ABI3BP: variants seen among roughly 807,000 people sequenced by gnomAD.
ABI3BP encodes the protein target of Nesh-SH3.
Under a neutral mutation model 268.6 loss-of-function variants are expected in ABI3BP, and 216 were observed. The ratio of observed to expected loss-of-function variants is 0.80; its 90% CI spans 0.72 to 0.90. The LOEUF (loss-of-function observed/expected upper bound fraction) is 0.90. Among genes scored for constraint, ABI3BP ranks in the 40% least tolerant of loss-of-function variants. The pLI is 0.00. For synonymous variants in ABI3BP, 730 were observed against 730.0 expected (o/e 1.00, Z 0.00); for missense variants, 2,090 against 2,182.4 (o/e 0.96, Z 0.84).
chr3:100,866,275 C>T (rs941736646), intron 10 of ABI3BP, among the ~76,000 whole-genome samples: 6 of 152,110 alleles, frequency 3.9e-5, no homozygotes, highest in Non-Finnish European at 2.9e-5. Context: ...AAGATTAATG[C>T]CTCCCCCCTG....
In ABI3BP at chr3:100,812,461, T is replaced by C; in HGVS notation, c.3421+6A>G. 1 of 1,294,552 alleles carries C rather than the reference T, an allele frequency of 7.7e-7. No homozygotes were observed. The highest frequency in any genetic ancestry group is 1.5e-5 in the African/African-American group (1 of 65,554). 80.2% of individuals were successfully genotyped at this position (1,294,552 alleles called of 1,614,324 possible). ...TGCTTGACTTCCCATTGGGGAACAT[T>C]TTTACCTATGGTCTCCTTTGGTGAC... On this transcript the variant is annotated splice_donor_region_variant and intron_variant, in intron 46 of 67. Transcript: ENST00000471714.
chr3:100,939,200 T>C (rs1156964938), intron 1 of ABI3BP, among the ~76,000 whole-genome samples: 3 of 152,076 alleles, frequency 2.0e-5, no homozygotes, highest in African/African-American at 7.2e-5. Context: ...TCTGAGTGCT[T>C]ACAGAGAATT....
At chr3:100,981,548 G>A (rs943754273) in intron 1 of ABI3BP, among the ~76,000 whole-genome samples, 1 of 152,220 alleles carries the variant, frequency 6.6e-6, no homozygotes, top group Non-Finnish European at 1.5e-5. Flanking sequence ...ACAGACTGCA[G>A]CAGGCATCCA....
At position 100,941,719 on chromosome 3, in the gene ABI3BP, T is replaced by C. The variant is rs1258082748; in HGVS notation, c.80-15238A>G. 7.9e-5 allele frequency among the ~76,000 whole-genome samples: 12 copies of C among 152,254 alleles called. No homozygotes were observed. The East Asian group carries it at 2.3e-3, about 29-fold the overall frequency. On this transcript the variant is annotated intron_variant, in intron 1 of 67. Coordinates refer to ENST00000471714, the MANE Select transcript of ABI3BP (RefSeq NM_001375547.2). ...CACCAATTGGCAAGGCTAATAGTTTTACCAAAGGAGCAGTAACTACATTAC... is the reference window on the plus strand; with the variant it reads ...CACCAATTGGCAAGGCTAATAGTTTCACCAAAGGAGCAGTAACTACATTAC...
chr3:100,816,597 C>T, intron 43 of ABI3BP, 91 bp downstream of exon 43: 1 of 1,004,164 alleles, frequency 1.0e-6, no homozygotes, highest in South Asian at 1.4e-5. Flanking sequence ...ACTGTTACTT[C>T]CCGTCATAGG....
Position 100,916,239 on chromosome 3 carries a change from G to A in ABI3BP, c.259+10063C>T, listed in dbSNP as rs117067253. On this transcript the variant is annotated intron_variant, in intron 2 of 67. Coordinates refer to ENST00000471714, the MANE Select transcript of ABI3BP (RefSeq NM_001375547.2). ...ATTTTTATTTATCAGGACTTTGTTC[G>A]GATATTTGTCTTTCAAATTATAAAG... is the stretch of plus-strand genomic sequence containing the variant. Among the ~76,000 whole-genome samples, 270 of 152,268 alleles carry A rather than the reference G, an allele frequency of 1.8e-3. 9 individuals carry two copies. The East Asian group carries it at 0.045, about 25-fold the overall frequency.
At chr3:100,978,709 A>G (rs1285041451) in intron 1 of ABI3BP, among the ~76,000 whole-genome samples, 1 of 152,228 alleles carries the variant, frequency 6.6e-6, no homozygotes, top group Non-Finnish European at 1.5e-5. Flanking sequence ...GAAAGCACAA[A>G]TTCTCCAAAT....
At position 100,787,790 on chromosome 3, in the gene ABI3BP, G is replaced by A. The variant is rs1354329177; in HGVS notation, c.4100C>T (p.Thr1367Ile). ...KPHIRPVLNR[T>I]TTRPTRPKPS... ...TTTGGGCCTAGTAGGTCTTGTAGTT[G>A]TCCTATTCAGAACTAAAATAAAGTG... The change falls in exon 57 of 68, where the codon ACA (threonine) becomes ATA (isoleucine). Residue 1367 changes from threonine (T) to isoleucine (I), a missense_variant. Thr to Ile is a moderately conservative substitution (Grantham distance 89). Coordinates refer to ENST00000471714, the MANE Select transcript of ABI3BP (RefSeq NM_001375547.2). The A allele has an allele frequency of 9.8e-6, 15 of 1,527,540 alleles. 1 individual carries two copies. In the African/African-American group the frequency reaches 1.2e-4, roughly 13 times the overall value. The allele number at this position is 1,527,540 out of a possible 1,614,324, so 94.6% of individuals were successfully genotyped here.
chr3:100,850,088 T>A lies in ABI3BP; in HGVS notation c.1458A>T (p.Lys486Asn). The A allele has an allele frequency of 6.2e-7, 1 of 1,611,056 alleles. No homozygotes were observed. The highest frequency in any genetic ancestry group is 2.2e-5 in the East Asian group (1 of 44,780). The change falls in exon 17 of 68, where the codon AAA becomes AAT. Residue 486 changes from lysine to asparagine, a missense_variant. Physicochemically the swap from Lys to Asn is moderately conservative, Grantham distance 94 (BLOSUM62 0). Coordinates refer to ENST00000471714, the MANE Select transcript of ABI3BP (RefSeq NM_001375547.2). ...TTTCTGGACTGGTAAAGATTTCCAG[T>A]TTTTGAGGAACAAATGGTGTTTCAC... ...APSETPFVPQ[K>N]LEIFTSPEMQ...
At chr3:100,824,807 C>T in intron 36 of ABI3BP, 51 bp downstream of exon 36, 1 of 1,465,714 alleles carries the variant, frequency 6.8e-7, no homozygotes, top group African/African-American at 1.4e-5. Context: ...TCAGTCCCCA[C>T]TGCGACAGGC....
chr3:100,888,761 C>A (rs922702433), intron 4 of ABI3BP, among the ~76,000 whole-genome samples: 5 of 151,878 alleles, frequency 3.3e-5, no homozygotes, highest in Admixed American at 3.3e-4. Flanking sequence ...CTTTTCAACA[C>A]TGTCTCCGTT....
chr3:100,851,840 G>T lies in ABI3BP; in HGVS notation c.1351+35C>A, dbSNP rs540111308. On this transcript the variant is annotated intron_variant, in intron 15 of 67. Transcript: ENST00000471714. ...AGAACCACCAAGTGTTGGAACACCT[G>T]GGATCCAAAGACAGAATTGAGAGGC... The T allele has an allele frequency of 3.3e-6, 5 of 1,532,090 alleles. No individual in the cohort carries two copies. The South Asian group carries it at 5.0e-5, about 15-fold the overall frequency. 94.9% of individuals were successfully genotyped at this position (1,532,090 alleles called of 1,614,324 possible).
At chr3:100,799,756 C>T (rs558761390) in intron 51 of ABI3BP, among the ~76,000 whole-genome samples, 32 of 152,214 alleles carry the variant, frequency 2.1e-4, no homozygotes, top group African/African-American at 6.5e-4. Flanking sequence ...ATTGGATTTC[C>T]GGTTTCTTAT....
chr3:100,966,517 C>A (rs192670271), intron 1 of ABI3BP, among the ~76,000 whole-genome samples: 1 of 152,116 alleles, frequency 6.6e-6, no homozygotes, highest in Non-Finnish European at 1.5e-5. Flanking sequence ...ATTTTGCTGA[C>A]CCCTGCTTGA....
intron 56 of ABI3BP, 108 bp downstream of exon 56, chr3:100,789,346 T>A (rs941108545): frequency 8.0e-6 from 8 of 995,220 alleles, no homozygotes; most frequent in Non-Finnish European, 1.2e-5. Context: ...TCTCTGTACA[T>A]CTCTTATTGC....
At chr3:100,774,783 G>T in intron 60 of ABI3BP, 110 bp from the exon 61 acceptor site, 1 of 876,380 alleles carries the variant, frequency 1.1e-6, no homozygotes, top group East Asian at 2.7e-5. Context: ...TAAACTGCTT[G>T]CAGTTTTGAT....
chr3:100,857,151 T>C (rs1378991024), intron 14 of ABI3BP, among the ~76,000 whole-genome samples: 1 of 131,096 alleles, frequency 7.6e-6, no homozygotes, highest in African/African-American at 3.5e-5. Context: ...TGTATACATA[T>C]AAAATGAGCT....
At chr3:100,834,533 T>C (rs916441955) in intron 29 of ABI3BP, 151 bp downstream of exon 29, 2 of 615,208 alleles carry the variant, frequency 3.3e-6, no homozygotes, top group South Asian at 4.5e-5. Context: ...GTCACAGGTA[T>C]CGCCAGAGCA....
At chr3:100,940,930 A>T (rs958159012) in intron 1 of ABI3BP, among the ~76,000 whole-genome samples, 1 of 145,448 alleles carries the variant, frequency 6.9e-6, no homozygotes, top group African/African-American at 2.5e-5. Flanking sequence ...GACAGATGGC[A>T]TCCCTATTTG....
Sources: allele counts gnomAD v4.1 joint callset (sites outside exome capture counted in the v4.1 genomes callset), GRCh38; gene constraint gnomAD v4.1.1; transcripts MANE v1.5; gene names NCBI Gene and HGNC (gene_info 2026-07-23, HGNC 2026-07-21).